HGF: variants seen among roughly 807,000 people sequenced by gnomAD.
HGF encodes fibroblast-derived tumor cytotoxic factor.
In HGF, 39 loss-of-function variants were observed where a neutral mutation model predicts 111.6. That is an observed-to-expected ratio of 0.35 (90% confidence interval 0.27 to 0.46). HGF has a LOEUF of 0.46. Ranked by LOEUF, HGF falls within the 20% of genes least tolerant of loss-of-function variation. The probability of loss-of-function intolerance (pLI) is 1.00; values close to 1 mark genes in which losing one functional copy is unlikely to be tolerated. For synonymous variants in HGF, 285 were observed against 294.8 expected, an observed-to-expected ratio of 0.97 and a Z score of 0.34; for missense variants, 735 against 910.5, an observed-to-expected ratio of 0.81 and a Z score of 2.48.
chr7:81,714,729 T>C (rs1338020545), intron 11 of HGF, among the ~76,000 whole-genome samples: 1 of 152,112 alleles, frequency 6.6e-6, no homozygotes, highest in Non-Finnish European at 1.5e-5. Flanking sequence ...AACCTTTACA[T>C]GTTTTGTAAA....
chr7:81,707,181 C>T, intron 14 of HGF, 109 bp downstream of exon 14: 2 of 701,566 alleles, frequency 2.9e-6, no homozygotes, highest in African/African-American at 1.8e-5. Flanking sequence ...TTTGTTCACC[C>T]CATTTGTGAA....
intron 10 of HGF, among the ~76,000 whole-genome samples, chr7:81,718,499 AC>A (rs1789772366): frequency 6.6e-6 from 1 of 152,172 alleles, no homozygotes. Context: ...TCTGTCTCCT[AC>A]TTACAAAGTT....
chr7:81,751,548 T>C, intron 5 of HGF: 1 of 988,684 alleles, frequency 1.0e-6, no homozygotes, highest in Non-Finnish European at 1.2e-6. Flanking sequence ...TTTGATCTCT[T>C]CAGATCCTAT....
Position 81,720,807 on chromosome 7 carries a change from T to C in HGF, c.1209A>G (p.Leu403=). ...ATGTTAGTCCAGATCTTGTTTGGGA[T>C]AAGTTGCCCATATAATTTTTGCCAT... ...RGNGKNYMGN[L]SQTRSGLTCS... Residue 403 remains leucine (L), a synonymous_variant, in exon 10 of 18, where the codon TTA becomes TTG. Coordinates refer to ENST00000222390, the MANE Select transcript of HGF (RefSeq NM_000601.6). 6.2e-7 allele frequency: 1 copy of C among 1,613,218 alleles called. No individual in the cohort carries two copies. Among genetic ancestry groups the C allele is most frequent in the Non-Finnish European group, 8.5e-7 (1 of 1,179,164 alleles).
At position 81,705,638 on chromosome 7, in the gene HGF, C is replaced by T. The variant is rs1243481756; in HGVS notation, c.1864+9G>A. 4 of 1,604,024 alleles carry T rather than the reference C, an allele frequency of 2.5e-6. No individual in the cohort carries two copies. The East Asian group carries it at 8.9e-5, about 36-fold the overall frequency. ...TAAATATGGCCTCATCTTTTGAAAA[C>T]TAGCTTACATCCAGTGTAGCCCCAG... On this transcript the variant is annotated intron_variant, in intron 16 of 17. Coordinates refer to ENST00000222390, the MANE Select transcript of HGF (RefSeq NM_000601.6).
intron 6 of HGF, among the ~76,000 whole-genome samples, chr7:81,744,481 A>G (rs1025215120): frequency 1.2e-4 from 19 of 152,086 alleles, no homozygotes; most frequent in Admixed American, 6.6e-5. Context: ...CCCTATGACC[A>G]CTACTTATGT....
At chr7:81,762,272 T>C (rs1207604557) in intron 2 of HGF, among the ~76,000 whole-genome samples, 1 of 152,334 alleles carries the variant, frequency 6.6e-6, no homozygotes, top group African/African-American at 2.4e-5. Context: ...CTCAACACCT[T>C]TTATTTAAAT....
intron 4 of HGF, among the ~76,000 whole-genome samples, chr7:81,754,315 A>G (rs1259333358): frequency 1.3e-5 from 2 of 152,004 alleles, no homozygotes; most frequent in African/African-American, 4.8e-5. Context: ...CAAATGTTCA[A>G]TACACAAATA....
chr7:81,706,155 A>G, intron 15 of HGF, 132 bp downstream of exon 15: 1 of 796,830 alleles, frequency 1.3e-6, no homozygotes, highest in Non-Finnish European at 2.2e-6. Context: ...GCATATATAC[A>G]TATATATACA....
At chr7:81,718,114 T>A (rs1789761154) in intron 10 of HGF, among the ~76,000 whole-genome samples, 1 of 152,224 alleles carries the variant, frequency 6.6e-6, no homozygotes, top group Non-Finnish European at 1.5e-5. Context: ...CTATTCATCT[T>A]ACTGAACTTG....
At chr7:81,762,050 G>A (rs1014163148) in intron 2 of HGF, among the ~76,000 whole-genome samples, 1 of 152,140 alleles carries the variant, frequency 6.6e-6, no homozygotes, top group South Asian at 2.1e-4. Context: ...CAGACTAGTG[G>A]CAGGGGTAGG....
chr7:81,730,768 T>G (rs1355431992), intron 7 of HGF, among the ~76,000 whole-genome samples: 2 of 152,192 alleles, frequency 1.3e-5, no homozygotes, highest in Non-Finnish European at 2.9e-5. Context: ...AAAACATACA[T>G]GAAAATGTTT....
In HGF at chr7:81,715,908, G is replaced by A. The variant is rs193220279; in HGVS notation, c.1405+1324C>T. The stretch of plus-strand genomic sequence containing the variant: ...ACATTCTTAAAACAAAGTTTTTATC[G>A]AACTTATAAAAGTATTTCCTTTCTA... On this transcript the variant is annotated intron_variant, in intron 11 of 17. Coordinates refer to ENST00000222390, the MANE Select transcript of HGF (RefSeq NM_000601.6). 5.3e-5 allele frequency among the ~76,000 whole-genome samples: 8 copies of A among 152,076 alleles called. No individual in the cohort carries two copies. In the East Asian group the frequency reaches 5.8e-4, roughly 11 times the overall value.
chr7:81,747,213 C>T (rs970335648), intron 5 of HGF, among the ~76,000 whole-genome samples: 2 of 152,182 alleles, frequency 1.3e-5, no homozygotes, highest in African/African-American at 4.8e-5. Flanking sequence ...GTGGTGGGCA[C>T]CTGTAGTCCC....
intron 7 of HGF, 94 bp from the exon 8 acceptor site, chr7:81,729,873 A>AT (rs5745685): frequency 1.2e-3 from 1,389 of 1,135,292 alleles, no homozygotes; most frequent in Middle Eastern, 1.4e-3. Flanking sequence ...GTATTAGCAG[A>AT]TTTTTTTTTC....
intron 4 of HGF, chr7:81,755,741 C>G: frequency 2.3e-6 from 1 of 426,358 alleles, no homozygotes; most frequent in East Asian, 4.2e-5. Flanking sequence ...GAGGACAAAA[C>G]CAATTATAAT....
chr7:81,701,459 T>C lies in HGF; in HGVS notation c.*1122A>G, dbSNP rs1057377112. On this transcript the variant is annotated 3_prime_UTR_variant, in exon 18 of 18. Transcript: ENST00000222390. The stretch of plus-strand genomic sequence containing the variant: ...TTGATGAAGGGTATTTATAAAACTT[T>C]GGAGACTTGGAAATTTTCCTCTTAA... The C allele has an allele frequency of 6.6e-6, 1 of 151,568 alleles. No individual in the cohort carries two copies. Among genetic ancestry groups the C allele is most frequent in the African/African-American group, 2.4e-5 (1 of 41,394 alleles). 9.4% of individuals were successfully genotyped at this position (151,568 alleles called of 1,614,324 possible). A position where few individuals can be genotyped will look rare whatever the true frequency, so the allele number is the denominator to read the frequency against.
chr7:81,711,271 A>G (rs2115805010), intron 12 of HGF, among the ~76,000 whole-genome samples: 1 of 152,312 alleles, frequency 6.6e-6, no homozygotes, highest in South Asian at 2.1e-4. Context: ...TTTGCAAGAG[A>G]ATTGAATTTT....
chr7:81,736,933 T>TGTGGTGG lies in HGF; in HGVS notation c.865+6419_865+6420insCCACCAC. Among the ~76,000 whole-genome samples, 4 of 50,288 alleles carry TGTGGTGG rather than the reference T, an allele frequency of 8.0e-5. No homozygotes were observed. The Middle Eastern group carries it at 0.065, about 811-fold the overall frequency. 33.0% of individuals were successfully genotyped at this position (50,288 alleles called of 152,430 possible). ...TGTGTGTGTGTGTGTGTGTGTGGTG[T>TGTGGTGG]TCTATAGATGAGGAATGATATACTT... On this transcript the variant is annotated intron_variant, in intron 7 of 17. Coordinates refer to ENST00000222390, the MANE Select transcript of HGF (RefSeq NM_000601.6).
Sources: allele counts gnomAD v4.1 joint callset (sites outside exome capture counted in the v4.1 genomes callset), GRCh38; gene constraint gnomAD v4.1.1; transcripts MANE v1.5; gene names NCBI Gene and HGNC (gene_info 2026-07-23, HGNC 2026-07-21).